Variants in MED13L observed in about 807,000 individuals in gnomAD.
MED13L encodes the protein mediator complex subunit 13L, also known as mediator of RNA polymerase II transcription subunit 13-like.
In MED13L, 7 loss-of-function variants were observed where a neutral mutation model predicts 220.9. The observed-to-expected ratio is 0.03, with a 90% CI of 0.02 to 0.06. The LOEUF is 0.06. Ranked by LOEUF, MED13L falls within the 10% of genes least tolerant of loss-of-function variation. MED13L has a pLI of 1.00. For missense variants in MED13L, 1,965 were observed against 2,760.5 expected, an observed-to-expected ratio of 0.71 and a Z score of 6.46; for synonymous variants, 1,011 against 1,015.2, an observed-to-expected ratio of 1.00 and a Z score of 0.08.
In MED13L at chr12:116,268,962, T is replaced by C. The variant is rs553401116; in HGVS notation, c.72+8098A>G. Among the ~76,000 whole-genome samples the C allele has an allele frequency of 2.5e-4, 38 of 152,344 alleles. 1 individual carries two copies. Among genetic ancestry groups the C allele is most frequent in the African/African-American group, 9.1e-4 (38 of 41,578 alleles). ...TTTTTTTTCCCCATCAACTTTTATT[T>C]TAAGTTCTGGGGTACATGTGCAGGT... On this transcript the variant is annotated intron_variant, in intron 1 of 30. Transcript: ENST00000281928.
At chr12:115,977,630 T>C (rs1299649633) in intron 23 of MED13L, among the ~76,000 whole-genome samples, 1 of 152,142 alleles carries the variant, frequency 6.6e-6, no homozygotes, top group African/African-American at 2.4e-5. Flanking sequence ...GGAAAAGAAA[T>C]GAAGTACTGG....
intron 2 of MED13L, among the ~76,000 whole-genome samples, chr12:116,119,093 T>A (rs1874782177): frequency 6.6e-6 from 1 of 152,158 alleles, no homozygotes; most frequent in South Asian, 2.1e-4. Context: ...AGTGTCGGGC[T>A]TCTTCATTAT....
intron 4 of MED13L, among the ~76,000 whole-genome samples, chr12:116,092,608 C>T (rs573808677): frequency 3.3e-5 from 5 of 152,166 alleles, no homozygotes; most frequent in South Asian, 2.1e-4. Context: ...ACAAAATACA[C>T]GCTTTGCTAT....
chr12:116,087,668 C>T (rs943190403), intron 4 of MED13L, among the ~76,000 whole-genome samples: 1 of 152,154 alleles, frequency 6.6e-6, no homozygotes, highest in African/African-American at 2.4e-5. Flanking sequence ...TGCCTTTCAG[C>T]CTTGTTTGGT....
chr12:116,076,715 G>C (rs1003927850), intron 4 of MED13L, among the ~76,000 whole-genome samples: 1 of 152,150 alleles, frequency 6.6e-6, no homozygotes, highest in Non-Finnish European at 1.5e-5. Context: ...GCTTGTTTTT[G>C]AGGGTTTTTT....
chr12:116,084,029 C>T (rs1871420641), intron 4 of MED13L, among the ~76,000 whole-genome samples: 1 of 152,212 alleles, frequency 6.6e-6, no homozygotes, highest in Non-Finnish European at 1.5e-5. Flanking sequence ...AAATACAGAA[C>T]TCTTGGTTCT....
At chr12:116,152,949 A>G (rs1457277003) in intron 2 of MED13L, among the ~76,000 whole-genome samples, 1 of 146,762 alleles carries the variant, frequency 6.8e-6, no homozygotes, top group East Asian at 2.0e-4. Flanking sequence ...AAAGAGCAGG[A>G]AAAAAAAAAA....
chr12:116,006,513 T>C (rs1159965305), intron 11 of MED13L, 102 bp from the exon 12 acceptor site: 3 of 901,074 alleles, frequency 3.3e-6, no homozygotes, highest in Non-Finnish European at 5.5e-6. Context: ...GAACTTGTTA[T>C]GAGCACAAGT....
At chr12:116,180,752 CTTGA>C (rs1237572029) in intron 2 of MED13L, among the ~76,000 whole-genome samples, 3 of 152,120 alleles carry the variant, frequency 2.0e-5, no homozygotes, top group African/African-American at 7.2e-5. Flanking sequence ...AAGGTAGAAT[CTTGA>C]TTAAGTGGTT....
At chr12:116,237,020 C>T in intron 2 of MED13L, 1 of 293,632 alleles carries the variant, frequency 3.4e-6, no homozygotes, top group Non-Finnish European at 5.1e-6. Context: ...CAATTTTGTC[C>T]AATTAGGCTC....
intron 2 of MED13L, among the ~76,000 whole-genome samples, chr12:116,166,734 A>T (rs1879310284): frequency 6.6e-6 from 1 of 152,216 alleles, no homozygotes; most frequent in African/African-American, 2.4e-5. Context: ...TACCCTGCCA[A>T]TAACCTAAAT....
At chr12:116,097,843 G>C (rs949464782) in intron 3 of MED13L, among the ~76,000 whole-genome samples, 2 of 152,154 alleles carry the variant, frequency 1.3e-5, no homozygotes, top group Non-Finnish European at 2.9e-5. Flanking sequence ...CAACAACACA[G>C]AGTTATGATC....
intron 3 of MED13L, 36 bp downstream of exon 3, chr12:116,111,392 T>G (rs1199337917): frequency 6.4e-7 from 1 of 1,553,964 alleles, no homozygotes; most frequent in South Asian, 1.1e-5. Flanking sequence ...TATACTTGGT[T>G]GTCTGCAAAC....
At chr12:116,019,076 C>G (rs1240198220) in intron 7 of MED13L, 148 bp downstream of exon 7, 1 of 737,400 alleles carries the variant, frequency 1.4e-6, no homozygotes, top group East Asian at 2.7e-5. Flanking sequence ...TTATAGTTTT[C>G]CTTCTCCATT....
At chr12:116,157,271 T>C (rs1395300849) in intron 2 of MED13L, among the ~76,000 whole-genome samples, 4 of 152,188 alleles carry the variant, frequency 2.6e-5, no homozygotes, top group Admixed American at 1.3e-4. Context: ...ATACCCCAAG[T>C]ATAGTTCACT....
intron 13 of MED13L, among the ~76,000 whole-genome samples, chr12:116,003,937 G>A (rs933128988): frequency 1.3e-5 from 2 of 152,124 alleles, no homozygotes; most frequent in Non-Finnish European, 2.9e-5. Context: ...CTAAAAATCA[G>A]AGTAAAGCAA....
At chr12:115,968,832 C>T in intron 28 of MED13L, 108 bp downstream of exon 28, 1 of 1,399,964 alleles carries the variant, frequency 7.1e-7, no homozygotes. Flanking sequence ...ACCAAGGACC[C>T]AGACCATCAA....
chr12:116,102,186 T>C (rs1479983039), intron 3 of MED13L, among the ~76,000 whole-genome samples: 1 of 152,246 alleles, frequency 6.6e-6, no homozygotes, highest in Non-Finnish European at 1.5e-5. Context: ...TCATGCCATA[T>C]GGCTCTGAAT....
At chr12:116,262,245 C>T (rs1452847750) in intron 1 of MED13L, among the ~76,000 whole-genome samples, 2 of 152,092 alleles carry the variant, frequency 1.3e-5, no homozygotes, top group African/African-American at 4.8e-5. Flanking sequence ...CTCCATCATA[C>T]AATATTACCA....
Sources: gnomAD v4.1 joint callset for allele counts (sites outside exome capture counted in the v4.1 genomes callset) on GRCh38, gnomAD v4.1.1 for gene constraint, MANE v1.5 for transcripts, NCBI Gene and HGNC (gene_info 2026-07-23, HGNC 2026-07-21) for gene names.